The following ANO2 variants were observed in gnomAD, a reference collection of about 807,000 sequenced individuals.
ANO2 encodes the protein anoctamin-2.
A neutral mutation model predicts 124.2 loss-of-function variants in ANO2; 101 were observed. That is an observed-to-expected ratio of 0.81 (90% confidence interval 0.69 to 0.96). The LOEUF is 0.96. Among genes scored for constraint, ANO2 ranks in the 40% least tolerant of loss-of-function variants. The pLI is 0.00. For synonymous variants in ANO2, 486 were observed against 482.5 expected (o/e 1.01, Z -0.09); for missense variants, 1,293 against 1,274.5 (o/e 1.01, Z -0.22).
intron 14 of ANO2, among the ~76,000 whole-genome samples, chr12:5,715,789 C>T (rs866034134): frequency 2.7e-4 from 41 of 152,184 alleles, no homozygotes; most frequent in African/African-American, 9.4e-4. Flanking sequence ...AACCCAGAAA[C>T]CGAATAAAGA....
At chr12:5,809,566 G>A (rs570073573) in intron 7 of ANO2, among the ~76,000 whole-genome samples, 5 of 152,312 alleles carry the variant, frequency 3.3e-5, no homozygotes, top group East Asian at 1.9e-4. Flanking sequence ...CACGGTAGCC[G>A]AGTGTCTGGA....
Position 5,900,849 on chromosome 12 carries a change from C to G in ANO2, c.534+20191G>C, listed in dbSNP as rs1940147580. On this transcript the variant is annotated intron_variant, in intron 3 of 24. Transcript: ENST00000682330. This position sits in a 1 kb window ranked among gnomAD's most constrained non-coding sequence, Gnocchi z 4.2. ...AGGCCAAGAGGGCAGGAAGGCGTCTCCTTGTTCTCGGCTCAGGAGACTCAG... is the reference window on the plus strand; with the variant it reads ...AGGCCAAGAGGGCAGGAAGGCGTCTGCTTGTTCTCGGCTCAGGAGACTCAG... Among the ~76,000 whole-genome samples the G allele has an allele frequency of 6.6e-6, 1 of 152,216 alleles. No homozygotes were observed. Among genetic ancestry groups the G allele is most frequent in the African/African-American group, 2.4e-5 (1 of 41,454 alleles).
intron 10 of ANO2, among the ~76,000 whole-genome samples, chr12:5,798,619 G>A (rs372865539): frequency 6.6e-5 from 10 of 152,318 alleles, no homozygotes; most frequent in African/African-American, 2.4e-4. Context: ...TCCTCCTGCA[G>A]GCTCCAGCGG....
intron 24 of ANO2, chr12:5,564,546 CA>C (rs1306546040): frequency 1.3e-5 from 2 of 152,292 alleles, no homozygotes; most frequent in Non-Finnish European, 2.9e-5. Flanking sequence ...CCTAGGGGTT[CA>C]GGGGAAGACA....
chr12:5,811,548 C>A (rs762336951), intron 7 of ANO2, among the ~76,000 whole-genome samples: 1 of 152,056 alleles, frequency 6.6e-6, no homozygotes, highest in Non-Finnish European at 1.5e-5. Flanking sequence ...AAAATGTCCA[C>A]GAAAATATAG....
At chr12:5,820,504 A>G (rs915601145) in intron 7 of ANO2, among the ~76,000 whole-genome samples, 121 of 152,212 alleles carry the variant, frequency 7.9e-4, no homozygotes, top group African/African-American at 2.8e-3. Context: ...GCCAGAATGC[A>G]TAATTAGCAT....
At chr12:5,916,487 C>A in intron 3 of ANO2, among the ~76,000 whole-genome samples, 7 of 59,070 alleles carry the variant, frequency 1.2e-4, no homozygotes, top group Admixed American at 1.8e-4. Context: ...AAAATCGCAG[C>A]AGGTTAAAAA....
intron 10 of ANO2, among the ~76,000 whole-genome samples, chr12:5,762,687 A>G (rs1321409849): frequency 6.6e-6 from 1 of 151,926 alleles, no homozygotes; most frequent in Non-Finnish European, 1.5e-5. Flanking sequence ...AGAAAATCTT[A>G]TGCTCAAACT....
At position 5,862,481 on chromosome 12, in the gene ANO2, C is replaced by G. The variant is rs1955300115; in HGVS notation, c.535-8340G>C. 6.6e-6 allele frequency among the ~76,000 whole-genome samples: 1 copy of G among 152,224 alleles called. No homozygotes were observed. The highest frequency in any genetic ancestry group is 2.4e-5 in the African/African-American group (1 of 41,452). ...TGATCTCTGGACCTATCACCACAGT[C>G]TCCACTCCGTGTATCACACATCATT... is the stretch of plus-strand genomic sequence containing the variant. On this transcript the variant is annotated intron_variant, in intron 3 of 24. Coordinates refer to ENST00000682330, the MANE Select transcript of ANO2 (RefSeq NM_001364791.2). This position sits in a 1 kb window ranked among gnomAD's most constrained non-coding sequence, Gnocchi z 4.0.
At chr12:5,734,902 G>C (rs907917831) in intron 13 of ANO2, among the ~76,000 whole-genome samples, 1 of 152,092 alleles carries the variant, frequency 6.6e-6, no homozygotes, top group South Asian at 2.1e-4. Flanking sequence ...CACCCGCCTC[G>C]GCCTCCCAAA....
intron 1 of ANO2, among the ~76,000 whole-genome samples, chr12:5,928,577 T>C (rs949343183): frequency 2.6e-5 from 4 of 151,208 alleles, no homozygotes; most frequent in East Asian, 3.9e-4. Flanking sequence ...CTTACCAGTC[T>C]TCCTTCCTTA....
chr12:5,810,086 C>T (rs1194080549), intron 7 of ANO2, among the ~76,000 whole-genome samples: 1 of 152,118 alleles, frequency 6.6e-6, no homozygotes, highest in Non-Finnish European at 1.5e-5. Flanking sequence ...TAACCAGAGC[C>T]CCCAAAATGC....
chr12:5,711,658 G>C (rs1296941722), intron 14 of ANO2, among the ~76,000 whole-genome samples: 2 of 152,116 alleles, frequency 1.3e-5, no homozygotes, highest in African/African-American at 2.4e-5. Context: ...TGAAATATGG[G>C]GAATCCAGAC....
chr12:5,891,395 G>A (rs538027961), intron 3 of ANO2, among the ~76,000 whole-genome samples: 5 of 152,258 alleles, frequency 3.3e-5, no homozygotes, highest in South Asian at 2.1e-4. Flanking sequence ...CTCTGTGTGC[G>A]TCCTTTCACC....
chr12:5,904,561 G>A lies in ANO2; in HGVS notation c.534+16479C>T, dbSNP rs918051229. Among the ~76,000 whole-genome samples the A allele has an allele frequency of 3.3e-5, 5 of 152,268 alleles. No individual in the cohort carries two copies. Among genetic ancestry groups the A allele is most frequent in the African/African-American group, 7.2e-5 (3 of 41,566 alleles). On this transcript the variant is annotated intron_variant, in intron 3 of 24. Transcript: ENST00000682330. This position sits in a 1 kb window ranked among gnomAD's most constrained non-coding sequence, Gnocchi z 4.1. ...GTGGGTTTATCCCAGTACTGCTTCC[G>A]GGGGCAGCTGACACTCCACATCGTC...
intron 14 of ANO2, among the ~76,000 whole-genome samples, chr12:5,677,876 C>T (rs1948321103): frequency 6.6e-6 from 1 of 152,218 alleles, no homozygotes; most frequent in Non-Finnish European, 1.5e-5. Context: ...CTCCCCTTCT[C>T]CCATAGGCCA....
At chr12:5,725,101 ACAC>A (rs1950385488) in intron 14 of ANO2, among the ~76,000 whole-genome samples, 1 of 56,366 alleles carries the variant, frequency 1.8e-5, no homozygotes, top group Admixed American at 1.7e-4. Flanking sequence ...TCCCTCTCAC[ACAC>A]ACACACACAC....
chr12:5,920,603 C>T (rs1299844462), intron 3 of ANO2, among the ~76,000 whole-genome samples: 2 of 152,132 alleles, frequency 1.3e-5, no homozygotes, highest in South Asian at 2.1e-4. Context: ...CGGTGGCTCA[C>T]ACCTGTAATC....
intron 10 of ANO2, among the ~76,000 whole-genome samples, chr12:5,798,569 T>C (rs970101901): frequency 2.0e-5 from 3 of 152,176 alleles, no homozygotes; most frequent in African/African-American, 4.8e-5. Context: ...ATTAGGTGAC[T>C]TCAGGGCAGT....
Sources: gnomAD v4.1 joint callset for allele counts (sites outside exome capture counted in the v4.1 genomes callset) on GRCh38, gnomAD v4.1.1 for gene constraint, Gnocchi (gnomAD v3.1) non-coding constraint, MANE v1.5 for transcripts, NCBI Gene and HGNC (gene_info 2026-07-23, HGNC 2026-07-21) for gene names.